PDE4D: variants seen among roughly 807,000 people sequenced by gnomAD.
The protein encoded by PDE4D is phosphodiesterase 4D.
PDE4D carries 24 observed loss-of-function variants against 87.4 expected under a neutral mutation model. The ratio of observed to expected loss-of-function variants is 0.27; its 90% confidence interval spans 0.20 to 0.39. The LOEUF is 0.39. Ranked by LOEUF, PDE4D falls within the 10% of genes least tolerant of loss-of-function variation. The pLI is 1.00. For missense variants in PDE4D, 714 were observed against 1,041.0 expected (o/e 0.69, Z 4.32); for synonymous variants, 384 against 383.2 (o/e 1.00, Z -0.02).
intron 1 of PDE4D, among the ~76,000 whole-genome samples, chr5:59,633,340 C>G (rs1831817802): frequency 6.6e-6 from 1 of 152,110 alleles, no homozygotes; most frequent in South Asian, 2.1e-4. Context: ...GAGAACTTCC[C>G]CAACCTAGCA....
At chr5:59,629,221 G>C (rs1831265156) in intron 1 of PDE4D, among the ~76,000 whole-genome samples, 1 of 152,068 alleles carries the variant, frequency 6.6e-6, no homozygotes, top group South Asian at 2.1e-4. Flanking sequence ...TGTTGTTATG[G>C]GTTGTACTGT....
At chr5:60,103,972 C>A (rs533221599) in intron 2 of PDE4D, among the ~76,000 whole-genome samples, 274 of 152,206 alleles carry the variant, frequency 1.8e-3, no homozygotes, top group Non-Finnish European at 2.2e-3. Flanking sequence ...TCTGAGGTAC[C>A]AGGTTCATCT....
chr5:60,078,603 G>A (rs1773581720), intron 2 of PDE4D, among the ~76,000 whole-genome samples: 1 of 152,072 alleles, frequency 6.6e-6, no homozygotes, highest in Non-Finnish European at 1.5e-5. Flanking sequence ...TGTTCTCAAT[G>A]TTCAACCCCC....
At chr5:60,462,496 T>A (rs528394807) in intron 1 of PDE4D, among the ~76,000 whole-genome samples, 1 of 152,164 alleles carries the variant, frequency 6.6e-6, no homozygotes, top group South Asian at 2.1e-4. Flanking sequence ...TGGAATGGGA[T>A]AAATCATATA....
At chr5:60,219,051 T>C (rs568369236) in intron 1 of PDE4D, among the ~76,000 whole-genome samples, 9 of 152,290 alleles carry the variant, frequency 5.9e-5, no homozygotes, top group African/African-American at 1.9e-4. Context: ...TAAAATAGCA[T>C]ATACAGCAGC....
At chr5:59,186,870 CT>C (rs1320117197) in intron 3 of PDE4D, among the ~76,000 whole-genome samples, 1 of 152,140 alleles carries the variant, frequency 6.6e-6, no homozygotes, top group East Asian at 1.9e-4. Context: ...ACCACGATGT[CT>C]TTCATTAGGC....
At chr5:60,072,382 G>T (rs1014388822) in intron 2 of PDE4D, among the ~76,000 whole-genome samples, 1 of 151,866 alleles carries the variant, frequency 6.6e-6, no homozygotes, top group Non-Finnish European at 1.5e-5. Flanking sequence ...ATAAATTTAA[G>T]TTCCTTATAG....
chr5:59,868,873 C>T (rs1339596031), intron 1 of PDE4D, among the ~76,000 whole-genome samples: 1 of 152,112 alleles, frequency 6.6e-6, no homozygotes. Context: ...TTAAGAAATA[C>T]CAAACTATTT....
chr5:59,984,186 T>A (rs2963812), intron 3 of PDE4D, among the ~76,000 whole-genome samples: 110,205 of 151,996 alleles, frequency 0.73, 40,198 homozygotes, highest in East Asian at 0.97. Flanking sequence ...TAAATACATA[T>A]TAATTCAAGA....
chr5:60,257,043 A>G (rs929640535), intron 1 of PDE4D, among the ~76,000 whole-genome samples: 1 of 151,914 alleles, frequency 6.6e-6, no homozygotes, highest in Non-Finnish European at 1.5e-5. Flanking sequence ...GTACACTTTA[A>G]ATATATACAA....
intron 1 of PDE4D, among the ~76,000 whole-genome samples, chr5:59,864,920 C>T (rs532819979): frequency 5.9e-5 from 9 of 152,270 alleles, no homozygotes; most frequent in African/African-American, 2.2e-4. Context: ...TGCTGACAGG[C>T]CTGCTCTGGA....
chr5:59,379,249 A>G (rs944081769), intron 1 of PDE4D, among the ~76,000 whole-genome samples: 1 of 152,158 alleles, frequency 6.6e-6, no homozygotes, highest in African/African-American at 2.4e-5. Flanking sequence ...TACATAAATA[A>G]TTTCCTTATA....
intron 1 of PDE4D, among the ~76,000 whole-genome samples, chr5:59,447,618 T>A (rs1454965274): frequency 6.6e-6 from 1 of 152,236 alleles, no homozygotes; most frequent in Admixed American, 6.5e-5. Context: ...AATGAGGAAG[T>A]AACATTAGAT....
chr5:59,567,797 A>T (rs907300726), intron 1 of PDE4D, among the ~76,000 whole-genome samples: 1 of 152,190 alleles, frequency 6.6e-6, no homozygotes, highest in Non-Finnish European at 1.5e-5. Flanking sequence ...TAGATAAGCA[A>T]GAGGAAGAAG....
intron 1 of PDE4D, among the ~76,000 whole-genome samples, chr5:59,744,529 C>CA (rs1759324987): frequency 6.6e-6 from 1 of 152,110 alleles, no homozygotes; most frequent in Non-Finnish European, 1.5e-5. Flanking sequence ...TGTATCTAAA[C>CA]AAGCACAAAT....
intron 1 of PDE4D, among the ~76,000 whole-genome samples, chr5:60,417,924 T>G (rs1742755076): frequency 6.6e-6 from 1 of 151,520 alleles, no homozygotes; most frequent in South Asian, 2.1e-4. Flanking sequence ...TAAGCTAACA[T>G]TAAAGATAAA....
intron 2 of PDE4D, among the ~76,000 whole-genome samples, chr5:59,991,375 T>C (rs952096910): frequency 6.6e-6 from 1 of 152,162 alleles, no homozygotes. Context: ...AATTTTAGTA[T>C]GCACCACCTC....
intron 1 of PDE4D, chr5:59,275,562 C>A: frequency 1.4e-6 from 2 of 1,419,554 alleles, no homozygotes; most frequent in Non-Finnish European, 1.8e-6. Flanking sequence ...CTCGGTCCAG[C>A]TCATGGGCAA....
chr5:60,417,616 G>A (rs1742721270), intron 1 of PDE4D, among the ~76,000 whole-genome samples: 2 of 152,202 alleles, frequency 1.3e-5, no homozygotes, highest in Non-Finnish European at 1.5e-5. Flanking sequence ...AGAGTCAAAG[G>A]CAGGTGGCAA....
Sources: allele counts gnomAD v4.1 joint callset (sites outside exome capture counted in the v4.1 genomes callset), GRCh38; gene constraint gnomAD v4.1.1; transcripts MANE v1.5; gene names NCBI Gene and HGNC (gene_info 2026-07-23, HGNC 2026-07-21).